PPP6R1: variants seen among roughly 807,000 people sequenced by gnomAD.
PPP6R1 encodes the protein protein phosphatase 6 regulatory subunit 1.
Under a neutral mutation model 104.6 loss-of-function variants are expected in PPP6R1, and 39 were observed. That is an observed-to-expected ratio of 0.37 (90% confidence interval 0.29 to 0.49). The LOEUF is 0.49. PPP6R1 is among the 20% of genes least tolerant of loss of function. The pLI, the probability that PPP6R1 is intolerant of heterozygous loss-of-function variation, is 0.98. For missense variants in PPP6R1, 1,181 were observed against 1,155.8 expected, an observed-to-expected ratio of 1.02 and a Z score of -0.32; for synonymous variants, 549 against 479.0, an observed-to-expected ratio of 1.15 and a Z score of -1.91.
chr19:55,232,379 G>A, intron 17 of PPP6R1, 168 bp from the exon 18 acceptor site: 1 of 1,066,194 alleles, frequency 9.4e-7, no homozygotes, highest in Non-Finnish European at 1.3e-6. Context: ...GAGGCTGGGA[G>A]AGGGAGTTCT....
intron 1 of PPP6R1, chr19:55,255,623 C>T (rs995309810): frequency 1.3e-5 from 2 of 152,298 alleles, no homozygotes; most frequent in Non-Finnish European, 2.9e-5. Context: ...CCGAGTGATT[C>T]CCACTCTGGC....
At position 55,239,752 on chromosome 19, in the gene PPP6R1, G is replaced by A. The variant is rs1479476372; in HGVS notation, c.1564-69C>T. On this transcript the variant is annotated intron_variant, in intron 13 of 23. Transcript: ENST00000412770. The stretch of plus-strand genomic sequence containing the variant: ...CCAGGGTGGGCAGGCAGCTATCGGT[G>A]GCGGTGGGAGGCTAAGACTGGCCCA... 3 of 1,587,798 alleles carry A rather than the reference G, an allele frequency of 1.9e-6. No individual in the cohort carries two copies. In the African/African-American group the frequency reaches 4.0e-5, roughly 21 times the overall value.
chr19:55,252,400 T>A (rs1425145371), intron 1 of PPP6R1, among the ~76,000 whole-genome samples: 2 of 149,618 alleles, frequency 1.3e-5, no homozygotes, highest in Non-Finnish European at 3.0e-5. Flanking sequence ...TGGCTGATTT[T>A]TTTTTTTTTT....
At chr19:55,247,279 A>G (rs1284389617) in intron 1 of PPP6R1, 170 bp from the exon 2 acceptor site, 6 of 658,660 alleles carry the variant, frequency 9.1e-6, no homozygotes, top group Admixed American at 2.8e-5. Flanking sequence ...CCGCAGGCTC[A>G]CTGCCTCCAT....
At chr19:55,236,578 G>C (rs2087400252) in intron 17 of PPP6R1, 65 bp downstream of exon 17, 2 of 1,436,358 alleles carry the variant, frequency 1.4e-6, no homozygotes, top group African/African-American at 2.9e-5. Flanking sequence ...CAAATGTGTT[G>C]GGGGGACCCC....
At chr19:55,246,022 G>A (rs894879247) in intron 2 of PPP6R1, among the ~76,000 whole-genome samples, 6 of 152,036 alleles carry the variant, frequency 3.9e-5, no homozygotes, top group Admixed American at 1.3e-4. Context: ...CCCCAGCTCC[G>A]GCTGACTCCT....
chr19:55,229,837 G>C lies in PPP6R1; in HGVS notation c.*691C>G, dbSNP rs3826886. 6.5e-6 allele frequency: 1 copy of C among 153,462 alleles called. No individual in the cohort carries two copies. The highest frequency in any genetic ancestry group is 1.5e-5 in the Non-Finnish European group (1 of 68,100). 9.5% of individuals were successfully genotyped at this position (153,462 alleles called of 1,614,324 possible). ...TATGAAATAGAAGCTCGGCACAAAC[G>C]CACGCACACTCACACCAGCCTGGGA... On this transcript the variant is annotated 3_prime_UTR_variant, in exon 24 of 24. Transcript: ENST00000412770.
Position 55,241,054 on chromosome 19 carries a change from T to A in PPP6R1, c.1187A>T (p.Asn396Ile). ...MLDLFFHYVFNNFLHAQVEGC... is the reference protein window; with the variant it reads ...MLDLFFHYVFINFLHAQVEGC... ...CTCTACTTGGGCATGCAAGAAGTTG[T>A]TGAAGACATAATGGAAGAAGAGGTC... Residue 396 changes from asparagine (N) to isoleucine (I), a missense_variant, in exon 10 of 24, where the codon AAC becomes ATC. This residue lies in a region of PPP6R1 where 1,042 missense variants were observed against 955.6 expected (regional missense o/e 1.09). Transcript: ENST00000412770. The surrounding 1 kb of genome is among the most constrained non-coding windows in gnomAD (Gnocchi z 5.4). The A allele has an allele frequency of 6.4e-7, 1 of 1,555,788 alleles. No individual in the cohort carries two copies. Among genetic ancestry groups the A allele is most frequent in the Non-Finnish European group, 8.7e-7 (1 of 1,149,706 alleles).
intron 15 of PPP6R1, chr19:55,238,778 G>C (rs1341405884): frequency 6.5e-6 from 1 of 152,772 alleles, no homozygotes; most frequent in African/African-American, 2.4e-5. Context: ...TCACAGGTGT[G>C]ATCCACTCCG....
rs2087618425 is a variant in PPP6R1 at position 55,258,959 on chromosome 19, C to G, written c.-531G>C. 1 of 152,198 alleles carries G rather than the reference C, an allele frequency of 6.6e-6. No individual in the cohort carries two copies. Among genetic ancestry groups the G allele is most frequent in the Admixed American group, 6.5e-5 (1 of 15,276 alleles). 9.4% of individuals were successfully genotyped at this position (152,198 alleles called of 1,614,324 possible). On this transcript the variant is annotated 5_prime_UTR_variant, in exon 1 of 24. Transcript: ENST00000412770. The stretch of plus-strand genomic sequence containing the variant: ...TCCCCAAAGCCGCTCAATCTCCGGG[C>G]TCTGCGGCCGGCCTCAGGGCCTCCG...
rs114829515 is a variant in PPP6R1 at position 55,250,146 on chromosome 19, T to C, written c.-6-3037A>G. Among the ~76,000 whole-genome samples the C allele has an allele frequency of 2.2e-3, 330 of 152,262 alleles. 2 individuals carry two copies. The highest frequency in any genetic ancestry group is 6.7e-3 in the African/African-American group (278 of 41,568). On this transcript the variant is annotated intron_variant, in intron 1 of 23. Transcript: ENST00000412770. ...GATGGGGGCATTCCAGGCAATGATG[T>C]CGATGGTATCAGCCACTGCGCTCCA...
intron 15 of PPP6R1, 22 bp from the exon 16 acceptor site, chr19:55,236,992 G>T (rs1188952309): frequency 6.3e-7 from 1 of 1,593,034 alleles, no homozygotes; most frequent in South Asian, 1.1e-5. Context: ...GGCAAGGCAT[G>T]GTGAGAAGGT....
At chr19:55,236,579 G>A in intron 17 of PPP6R1, 64 bp downstream of exon 17, 1 of 1,441,032 alleles carries the variant, frequency 6.9e-7, no homozygotes, top group Non-Finnish European at 9.1e-7. Context: ...AAATGTGTTG[G>A]GGGGACCCCT....
intron 17 of PPP6R1, chr19:55,233,045 A>G (rs2087364239): frequency 6.6e-6 from 1 of 152,170 alleles, no homozygotes; most frequent in Admixed American, 6.5e-5. Flanking sequence ...CAATTCTAAC[A>G]ATGGTAAATG....
At position 55,239,357 on chromosome 19, in the gene PPP6R1, T is replaced by G. The variant is rs779207753; in HGVS notation, c.1751+48A>C. ...GACAGATACAAGTAGGCGCGCCTGC[T>G]GCTGCAGAGGCAGGACAGGGCTGTG... On this transcript the variant is annotated intron_variant, in intron 15 of 23. Transcript: ENST00000412770. The G allele has an allele frequency of 1.3e-5, 20 of 1,551,948 alleles. No homozygotes were observed. In the East Asian group the frequency reaches 4.5e-4, roughly 35 times the overall value.
chr19:55,254,330 A>C (rs2087576405), intron 1 of PPP6R1, among the ~76,000 whole-genome samples: 1 of 152,160 alleles, frequency 6.6e-6, no homozygotes, highest in African/African-American at 2.4e-5. Context: ...GCCATTAAAA[A>C]CGAAAACTAC....
Position 55,231,978 on chromosome 19 carries a change from G to A in PPP6R1, c.2130C>T (p.Pro710=). ...CTGGGTCAAAGGTGGCTGTCCAGCT[G>A]GGGCCTGGGATAGAGGTGGGGGAGC... is the stretch of plus-strand genomic sequence containing the variant. ...YPSPGPQPPG[P]SWTATFDPVP... The change falls in exon 19 of 24, where the codon CCC becomes CCT. Residue 710 remains proline, a synonymous_variant. Coordinates refer to ENST00000412770, the MANE Select transcript of PPP6R1 (RefSeq NM_014931.4). The A allele has an allele frequency of 6.2e-7, 1 of 1,600,492 alleles. No individual in the cohort carries two copies.
chr19:55,240,119 C>T lies in PPP6R1; in HGVS notation c.1362-5G>A. 6.3e-7 allele frequency: 1 copy of T among 1,575,394 alleles called. No homozygotes were observed. The highest frequency in any genetic ancestry group is 8.6e-7 in the Non-Finnish European group (1 of 1,161,096). Reference sequence around the variant, plus strand: ...TTCCGAGGGCCTCCCGCACACCTGGCAAGAGTGAAGGCCGCGGCTGCAAGC... The same window carrying T: ...TTCCGAGGGCCTCCCGCACACCTGGTAAGAGTGAAGGCCGCGGCTGCAAGC... On this transcript the variant is annotated splice_polypyrimidine_tract_variant and splice_region_variant and intron_variant, in intron 11 of 23. Transcript: ENST00000412770.
In PPP6R1 at chr19:55,236,972, T is replaced by C. The variant is rs1231193759; in HGVS notation, c.1752-2A>G. 7 of 1,609,794 alleles carry C rather than the reference T, an allele frequency of 4.3e-6. No individual in the cohort carries two copies. The highest frequency in any genetic ancestry group is 1.3e-5 in the African/African-American group (1 of 74,910). On this transcript the variant is annotated splice_acceptor_variant, in intron 15 of 23. Transcript: ENST00000412770. LOFTEE classifies it high-confidence loss of function. ...TTGGCTGTCTTGTCAAAAGGTGCGC[T>C]AGGAGAGAAGGCAAGGCATGGTGAG... is the stretch of plus-strand genomic sequence containing the variant.
Sources: gnomAD v4.1 joint callset for allele counts (sites outside exome capture counted in the v4.1 genomes callset) on GRCh38, gnomAD v4.1.1 for gene constraint, gnomAD v4.1.1 regional missense constraint, Gnocchi (gnomAD v3.1) non-coding constraint, MANE v1.5 for transcripts, NCBI Gene and HGNC (gene_info 2026-07-23, HGNC 2026-07-21) for gene names.